GRK1: variants seen among roughly 807,000 people sequenced by gnomAD.
GRK1 encodes G protein-coupled receptor kinase 1, also known as rhodopsin kinase GRK1.
A neutral mutation model predicts 41.7 loss-of-function variants in GRK1; 28 were observed. The observed-to-expected ratio is 0.67, with a 90% confidence interval of 0.50 to 0.92. The LOEUF is 0.92. GRK1 is among the 40% of genes least tolerant of loss of function. The probability of loss-of-function intolerance (pLI) is 0.00; values close to 1 mark genes in which losing one functional copy is unlikely to be tolerated. For synonymous variants in GRK1, 327 were observed against 286.7 expected, an observed-to-expected ratio of 1.14 and a Z score of -1.42; for missense variants, 703 against 671.2, an observed-to-expected ratio of 1.05 and a Z score of -0.52.
At chr13:113,661,182 A>C in the GRK1 span, among the ~76,000 whole-genome samples, 4 of 152,314 alleles carry the variant, frequency 2.6e-5, no homozygotes, top group Admixed American at 6.5e-5. Context: ...CAAATTAGAT[A>C]TTAATAACAA....
At position 113,668,055 on chromosome 13, in the gene GRK1, G is replaced by A; in HGVS notation, c.669G>A (p.Lys223=). 1 of 1,609,506 alleles carries A rather than the reference G, an allele frequency of 6.2e-7. No individual in the cohort carries two copies. Among genetic ancestry groups the A allele is most frequent in the Non-Finnish European group, 8.5e-7 (1 of 1,178,134 alleles). ...TGTATGCCTGCAAGAAGCTGAACAAGAAGCGGCTGAAGAAGAGGAAGGGCT... is the reference window on the plus strand; with the variant it reads ...TGTATGCCTGCAAGAAGCTGAACAAAAAGCGGCTGAAGAAGAGGAAGGGCT... ...GKLYACKKLN[K]KRLKKRKGYQ... is the part of the protein sequence containing the mutation. The change falls in exon 1 of 7, where the codon AAG becomes AAA. Residue 223 remains lysine (K), a synonymous_variant. Coordinates refer to ENST00000335678, the MANE Select transcript of GRK1 (RefSeq NM_002929.3).
intron 1 of GRK1, among the ~76,000 whole-genome samples, chr13:113,669,128 G>T (rs1448034577): frequency 6.6e-6 from 1 of 152,196 alleles, no homozygotes; most frequent in Non-Finnish European, 1.5e-5. Context: ...ACTCCATACT[G>T]ACATCAACTG....
At position 113,735,493 on chromosome 13, in the gene GRK1, C is replaced by T. The variant is rs939429351; in HGVS notation, c.*130C>T. 40 of 1,046,098 alleles carry T rather than the reference C, an allele frequency of 3.8e-5. No individual in the cohort carries two copies. The highest frequency in any genetic ancestry group is 2.2e-4 in the South Asian group (11 of 49,344). 64.8% of individuals were successfully genotyped at this position (1,046,098 alleles called of 1,614,324 possible). The stretch of plus-strand genomic sequence containing the variant: ...GTTCCCTCCACCCAGGTCCCCATCA[C>T]GCCATCTCCTTGCGGCCCAAGGAGG... On this transcript the variant is annotated 3_prime_UTR_variant, in exon 7 of 7. Coordinates refer to ENST00000335678, the MANE Select transcript of GRK1 (RefSeq NM_002929.3).
the GRK1 span, chr13:113,653,269 C>T: frequency 6.4e-7 from 1 of 1,564,552 alleles, no homozygotes; most frequent in Admixed American, 1.7e-5. Context: ...CCCGCCGCTT[C>T]ACACCTCACC....
At chr13:113,669,619 G>T (rs373814834) in intron 1 of GRK1, 68 bp from the exon 2 acceptor site, 2 of 1,593,194 alleles carry the variant, frequency 1.3e-6, no homozygotes, top group Admixed American at 1.7e-5. Flanking sequence ...GGGTGCACAC[G>T]GTCTCTGCGA....
chr13:113,658,019 C>T, the GRK1 span: 1 of 1,584,800 alleles, frequency 6.3e-7, no homozygotes, highest in East Asian at 2.3e-5. Context: ...AGCCGGCCCG[C>T]CCCCCGCACG....
At chr13:113,733,869 G>A (rs1003905764) in intron 6 of GRK1, among the ~76,000 whole-genome samples, 3 of 130,774 alleles carry the variant, frequency 2.3e-5, no homozygotes, top group Non-Finnish European at 4.7e-5. Flanking sequence ...ATACGTGTGT[G>A]CGTGTGTGCA....
At chr13:113,734,936 G>C in intron 6 of GRK1, 132 bp from the exon 7 acceptor site, 1 of 897,520 alleles carries the variant, frequency 1.1e-6, no homozygotes, top group South Asian at 2.2e-5. Context: ...CAGCCTCCAC[G>C]ACACTTCCCT....
At chr13:113,658,132 G>C in the GRK1 span, 1 of 1,612,550 alleles carries the variant, frequency 6.2e-7, no homozygotes, top group Non-Finnish European at 8.5e-7. Flanking sequence ...TTCTTCTCCT[G>C]CAGAGCCGCC....
At chr13:113,732,516 A>G (rs189401702) in intron 5 of GRK1, among the ~76,000 whole-genome samples, 2 of 152,322 alleles carry the variant, frequency 1.3e-5, no homozygotes, top group Admixed American at 1.3e-4. Context: ...ACTCCTGAAG[A>G]CAACAGAGCC....
rs763469902 is a variant in GRK1, at chr13:113,671,572, A to G, written c.901A>G (p.Ile301Val). Reference sequence around the variant, plus strand: ...GCGCGCCCTCTTCTACACGGCGCAGATCATCTGCGGCCTGGAGCACCTGCA... The same window carrying G: ...GCGCGCCCTCTTCTACACGGCGCAGGTCATCTGCGGCCTGGAGCACCTGCA... ...EPRALFYTAQ[I>V]ICGLEHLHQR... The change falls in exon 3 of 7, where the codon ATC becomes GTC. Residue 301 changes from isoleucine to valine, a missense_variant. Coordinates refer to ENST00000335678, the MANE Select transcript of GRK1 (RefSeq NM_002929.3). The surrounding 1 kb of genome is among the most constrained non-coding windows in gnomAD (Gnocchi z 4.1). The G allele has an allele frequency of 1.3e-6, 1 of 777,166 alleles. No individual in the cohort carries two copies. The highest frequency in any genetic ancestry group is 1.7e-5 in the African/African-American group (1 of 59,246). The allele number at this position is 777,166 out of a possible 1,614,324, so 48.1% of individuals were successfully genotyped here.
chr13:113,671,778 G>A lies in GRK1; in HGVS notation c.985+122G>A, dbSNP rs1223556613. The stretch of plus-strand genomic sequence containing the variant: ...CTGTGTGGACGGTGGGGGTTCATGA[G>A]GGCTGACGGCTTCGTGGACGGTGGA... On this transcript the variant is annotated intron_variant, in intron 3 of 6. Coordinates refer to ENST00000335678, the MANE Select transcript of GRK1 (RefSeq NM_002929.3). This position sits in a 1 kb window ranked among gnomAD's most constrained non-coding sequence, Gnocchi z 4.1. 3 of 673,574 alleles carry A rather than the reference G, an allele frequency of 4.5e-6. No individual in the cohort carries two copies. The highest frequency in any genetic ancestry group is 8.1e-6 in the Non-Finnish European group (3 of 368,246). The allele number at this position is 673,574 out of a possible 1,614,324, so 41.7% of individuals were successfully genotyped here.
At chr13:113,733,647 GCA>G (rs1485545871) in intron 6 of GRK1, among the ~76,000 whole-genome samples, 2 of 136,214 alleles carry the variant, frequency 1.5e-5, no homozygotes, top group African/African-American at 6.1e-5. Context: ...ATGTATGTGT[GCA>G]TACGTGTGTG....
intron 5 of GRK1, among the ~76,000 whole-genome samples, chr13:113,732,616 C>G (rs559773351): frequency 2.0e-4 from 31 of 152,322 alleles, no homozygotes; most frequent in Admixed American, 2.0e-3. Flanking sequence ...ATCTTTCCTT[C>G]CTTGGTGGGT....
chr13:113,667,319 C>G lies in GRK1; in HGVS notation c.-68C>G. ...AGGGCAGCAGTCAGGCCTGCTCTGTCTGTGAACGCTCCCGGCTTGGCCTCG... is the reference window on the plus strand; with the variant it reads ...AGGGCAGCAGTCAGGCCTGCTCTGTGTGTGAACGCTCCCGGCTTGGCCTCG... On this transcript the variant is annotated 5_prime_UTR_variant, in exon 1 of 7. Coordinates refer to ENST00000335678, the MANE Select transcript of GRK1 (RefSeq NM_002929.3). This position sits in a 1 kb window ranked among gnomAD's most constrained non-coding sequence, Gnocchi z 7.5. 1 of 1,428,706 alleles carries G rather than the reference C, an allele frequency of 7.0e-7. No homozygotes were observed. Among genetic ancestry groups the G allele is most frequent in the South Asian group, 1.4e-5 (1 of 69,134 alleles). 88.5% of individuals were successfully genotyped at this position (1,428,706 alleles called of 1,614,324 possible).
upstream of GRK1, among the ~76,000 whole-genome samples, chr13:113,664,891 C>T (rs761077259): frequency 1.3e-5 from 2 of 152,228 alleles, no homozygotes; most frequent in South Asian, 2.1e-4. This position sits in a 1 kb window ranked among gnomAD's most constrained non-coding sequence, Gnocchi z 5.4. Flanking sequence ...TAACGTGATC[C>T]GCCCAAGGTC....
At chr13:113,649,512 C>G in the GRK1 span, 2 of 1,538,190 alleles carry the variant, frequency 1.3e-6, no homozygotes, top group Non-Finnish European at 1.8e-6. The surrounding 1 kb of genome is among the most constrained non-coding windows in gnomAD (Gnocchi z 4.7). Context: ...GCTTCGCTGC[C>G]ACCAGGGGGT....
At chr13:113,651,090 C>T in the GRK1 span, among the ~76,000 whole-genome samples, 1 of 151,776 alleles carries the variant, frequency 6.6e-6, no homozygotes, top group Non-Finnish European at 1.5e-5. Context: ...GTGAGGTTCC[C>T]TCGGACACCC....
chr13:113,652,293 G>A, the GRK1 span, among the ~76,000 whole-genome samples: 5 of 152,348 alleles, frequency 3.3e-5, no homozygotes, highest in African/African-American at 4.8e-5. Flanking sequence ...CCTGGCTGAC[G>A]GGGACCCGTG....
Sources: gnomAD v4.1 joint callset for allele counts (sites outside exome capture counted in the v4.1 genomes callset) on GRCh38, gnomAD v4.1.1 for gene constraint, Gnocchi (gnomAD v3.1) non-coding constraint, MANE v1.5 for transcripts, NCBI Gene and HGNC (gene_info 2026-07-23, HGNC 2026-07-21) for gene names.